NUF2: variants seen among roughly 807,000 people sequenced by gnomAD.
NUF2 encodes kinetochore protein Nuf2.
In NUF2, 34 loss-of-function variants were observed where a neutral mutation model predicts 61.8. The observed-to-expected ratio is 0.55, with a 90% CI of 0.42 to 0.73. NUF2 has a LOEUF of 0.73. Among genes scored for constraint, NUF2 ranks in the 30% least tolerant of loss-of-function variants. The pLI is 0.00. For missense variants in NUF2, 445 were observed against 539.1 expected (o/e 0.83, Z 1.73); for synonymous variants, 172 against 181.6 (o/e 0.95, Z 0.42).
intron 5 of NUF2, among the ~76,000 whole-genome samples, chr1:163,331,197 G>A (rs1650588034): frequency 6.6e-6 from 1 of 151,620 alleles, no homozygotes; most frequent in Non-Finnish European, 1.5e-5. Flanking sequence ...TTATCAGAAT[G>A]TACAACTTTT....
chr1:163,340,116 A>G (rs1650891598), intron 8 of NUF2: 2 of 437,448 alleles, frequency 4.6e-6, no homozygotes, highest in Non-Finnish European at 4.0e-6. Context: ...TTCAACTTAT[A>G]TGTATTATTT....
chr1:163,324,900 CT>C lies in NUF2; in HGVS notation c.-20-1114del, dbSNP rs67548511. On this transcript the variant is annotated intron_variant, in intron 1 of 13. Transcript: ENST00000271452. The stretch of plus-strand genomic sequence containing the variant: ...GGACAAGGTTTCTTTTCTTTTCTTT[CT>C]TTTTTTTTTTTTTTTTTGACACAGG... 1.4e-3 allele frequency among the ~76,000 whole-genome samples: 172 copies of C among 122,978 alleles called. 1 individual carries two copies. Among genetic ancestry groups the C allele is most frequent in the African/African-American group, 4.4e-3 (147 of 33,236 alleles). The allele number at this position is 122,978 out of a possible 152,430, so 80.7% of individuals were successfully genotyped here. A position where few individuals can be genotyped will look rare whatever the true frequency, so the allele number is the denominator to read the frequency against.
chr1:163,350,102 C>G (rs1359218770), intron 13 of NUF2, among the ~76,000 whole-genome samples: 2 of 151,646 alleles, frequency 1.3e-5, no homozygotes, highest in Admixed American at 1.3e-4. Context: ...GAGATCGAGA[C>G]CATCCTGGCT....
intron 5 of NUF2, among the ~76,000 whole-genome samples, chr1:163,332,486 C>T (rs1650629186): frequency 6.6e-6 from 1 of 152,052 alleles, no homozygotes; most frequent in African/African-American, 2.4e-5. Flanking sequence ...TCCTGTAGTT[C>T]TAGTGGTCAG....
At chr1:163,332,222 C>CT (rs1553231064) in intron 5 of NUF2, among the ~76,000 whole-genome samples, 1 of 151,746 alleles carries the variant, frequency 6.6e-6, no homozygotes, top group Non-Finnish European at 1.5e-5. Context: ...CTTTTGATTT[C>CT]TTTTTTCATG....
At chr1:163,327,224 G>A (rs184651969) in intron 2 of NUF2, among the ~76,000 whole-genome samples, 62 of 152,090 alleles carry the variant, frequency 4.1e-4, no homozygotes, top group Non-Finnish European at 7.6e-4. Flanking sequence ...TTCCTAAGGT[G>A]GATGGGTTGC....
chr1:163,327,817 T>C (rs1315307437), intron 3 of NUF2: 1 of 441,586 alleles, frequency 2.3e-6, no homozygotes, highest in East Asian at 3.7e-5. Context: ...ATTGATGCAA[T>C]GCAATTGTTA....
chr1:163,335,358 T>C (rs1231265177), intron 5 of NUF2, among the ~76,000 whole-genome samples: 1 of 152,180 alleles, frequency 6.6e-6, no homozygotes, highest in African/African-American at 2.4e-5. Context: ...GAATTCTTAG[T>C]TGACAGTTTT....
At chr1:163,350,987 C>G (rs981043945) in intron 13 of NUF2, among the ~76,000 whole-genome samples, 1 of 151,900 alleles carries the variant, frequency 6.6e-6, no homozygotes, top group African/African-American at 2.4e-5. Flanking sequence ...AAATGTGTAC[C>G]CTTTTCTGCT....
chr1:163,337,569 C>T (rs1318774925), intron 6 of NUF2, among the ~76,000 whole-genome samples: 1 of 152,090 alleles, frequency 6.6e-6, no homozygotes, highest in Non-Finnish European at 1.5e-5. Context: ...TGCCAACATA[C>T]ACACACTCTC....
At chr1:163,323,349 G>C (rs1023418155) in intron 1 of NUF2, among the ~76,000 whole-genome samples, 1 of 152,144 alleles carries the variant, frequency 6.6e-6, no homozygotes, top group Non-Finnish European at 1.5e-5. Context: ...CTGTGACTTA[G>C]ATGAAAATGT....
At chr1:163,325,982 A>G in intron 1 of NUF2, 50 bp from the exon 2 acceptor site, 2 of 1,429,336 alleles carry the variant, frequency 1.4e-6, no homozygotes, top group Non-Finnish European at 1.9e-6. Flanking sequence ...TTTCCAGATA[A>G]TGAGAACTAC....
At chr1:163,327,139 C>CAT (rs1650450774) in intron 2 of NUF2, among the ~76,000 whole-genome samples, 4 of 146,624 alleles carry the variant, frequency 2.7e-5, no homozygotes, top group Admixed American at 6.8e-5. Context: ...CACACACACA[C>CAT]ACATTTTCCA....
chr1:163,336,188 C>G (rs1372697935), intron 5 of NUF2, among the ~76,000 whole-genome samples: 1 of 152,148 alleles, frequency 6.6e-6, no homozygotes. Flanking sequence ...TAACTGAGAA[C>G]CTGAGGGGAT....
At chr1:163,323,886 A>G (rs1229030284) in intron 1 of NUF2, among the ~76,000 whole-genome samples, 1 of 152,098 alleles carries the variant, frequency 6.6e-6, no homozygotes, top group Non-Finnish European at 1.5e-5. Context: ...AGAGAGGGAA[A>G]GGGGGAAAAA....
rs79751413 is a variant in NUF2, at chr1:163,325,231, C to T, written c.-20-801C>T. Among the ~76,000 whole-genome samples the T allele has an allele frequency of 7.9e-3, 1,204 of 152,250 alleles. 12 individuals carry two copies. Among genetic ancestry groups the T allele is most frequent in the African/African-American group, 0.028 (1,146 of 41,550 alleles). On this transcript the variant is annotated intron_variant, in intron 1 of 13. Coordinates refer to ENST00000271452, the MANE Select transcript of NUF2 (RefSeq NM_145697.3). The stretch of plus-strand genomic sequence containing the variant: ...ACCTTTTGAACTGGATAATTCTTTG[C>T]TGTTGGGGGCCACCCTATACATCGT...
intron 7 of NUF2, among the ~76,000 whole-genome samples, chr1:163,338,815 T>A (rs1224680185): frequency 6.6e-6 from 1 of 152,044 alleles, no homozygotes; most frequent in Non-Finnish European, 1.5e-5. Context: ...ATTCCTAATA[T>A]ACAAATATAA....
chr1:163,345,364 G>A (rs547606858), intron 10 of NUF2, among the ~76,000 whole-genome samples: 2 of 152,260 alleles, frequency 1.3e-5, no homozygotes, highest in South Asian at 4.1e-4. Context: ...GGAGTAATCA[G>A]AAATAGTTTG....
chr1:163,327,098 TCACACACA>T (rs752584850), intron 2 of NUF2, among the ~76,000 whole-genome samples: 12 of 33,372 alleles, frequency 3.6e-4, no homozygotes, highest in African/African-American at 5.9e-4. Context: ...TTTCCTGTGT[TCACACACA>T]CACACACACA....
Sources: gnomAD v4.1 joint callset for allele counts (sites outside exome capture counted in the v4.1 genomes callset) on GRCh38, gnomAD v4.1.1 for gene constraint, MANE v1.5 for transcripts, NCBI Gene and HGNC (gene_info 2026-07-23, HGNC 2026-07-21) for gene names.